The following PAK6 variants were observed in gnomAD, a reference collection of about 807,000 sequenced individuals.
PAK6 encodes serine/threonine-protein kinase PAK 6.
In PAK6, 33 loss-of-function variants were observed where a neutral mutation model predicts 60.8. The ratio of observed to expected loss-of-function variants is 0.54; its 90% CI spans 0.41 to 0.73. The LOEUF (loss-of-function observed/expected upper bound fraction) is 0.73. PAK6 is among the 30% of genes least tolerant of loss of function. The pLI, the probability that PAK6 is intolerant of heterozygous loss-of-function variation, is 0.00. For synonymous variants in PAK6, 404 were observed against 378.5 expected (o/e 1.07, Z -0.78); for missense variants, 845 against 904.1 (o/e 0.93, Z 0.84).
exon 1 of PAK6, chr15:40,239,662 G>T (rs2038260861): frequency 6.6e-6 from 1 of 152,436 alleles, no homozygotes; most frequent in Non-Finnish European, 1.5e-5. Context: ...CAGAAGGGCA[G>T]TCTTGTCCGA....
intron 3 of PAK6, chr15:40,258,623 G>A (rs1381099652): frequency 6.6e-6 from 1 of 152,354 alleles, no homozygotes; most frequent in Non-Finnish European, 1.5e-5. Flanking sequence ...CAGGTACATA[G>A]CTCCTTGAAC....
chr15:40,277,168 G>A (rs1470574868), exon 11 of PAK6: 1 of 152,240 alleles, frequency 6.6e-6, no homozygotes, highest in Admixed American at 6.5e-5. Context: ...TCATGTCAAG[G>A]TCACAGGCAT....
intron 4 of PAK6, among the ~76,000 whole-genome samples, chr15:40,265,400 G>A (rs2039095188): frequency 6.6e-6 from 1 of 152,228 alleles, no homozygotes; most frequent in Non-Finnish European, 1.5e-5. Flanking sequence ...AGAAGGTGGG[G>A]TCAGGGGCCC....
exon 5 of PAK6, chr15:40,266,185 C>T (rs1336876803): frequency 6.2e-7 from 1 of 1,609,320 alleles, no homozygotes; most frequent in East Asian, 2.2e-5. Flanking sequence ...CTGGGCCCCG[C>T]CGAGTTTCAG....
rs151114266 is a variant in PAK6 at position 40,242,365 on chromosome 15, C to A, written c.-118+1684C>A. Among the ~76,000 whole-genome samples, 71 of 152,358 alleles carry A rather than the reference C, an allele frequency of 4.7e-4. 1 individual carries two copies. Among genetic ancestry groups the A allele is most frequent in the African/African-American group, 1.7e-3 (70 of 41,580 alleles). ...GCAGGAAGGACTCATGGGAGGCTGT[C>A]CTGTGGACTGAAGCAGAAAGTCCTT... On this transcript the variant is annotated intron_variant, in intron 2 of 10. Coordinates refer to ENST00000560346, the Ensembl canonical transcript of PAK6.
At position 40,243,181 on chromosome 15, in the gene PAK6, A is replaced by G. The variant is rs2140939675; in HGVS notation, c.-118+2500A>G. Reference sequence around the variant, plus strand: ...GCAACGGTTCTTAACATAGAACTTTATAAAGATGGACAAAAAAGATAAGTT... The same window carrying G: ...GCAACGGTTCTTAACATAGAACTTTGTAAAGATGGACAAAAAAGATAAGTT... On this transcript the variant is annotated intron_variant, in intron 2 of 10. Transcript: ENST00000560346. Among the ~76,000 whole-genome samples, 2 of 152,374 alleles carry G rather than the reference A, an allele frequency of 1.3e-5. 1 individual carries two copies. Among genetic ancestry groups the G allele is most frequent in the South Asian group, 4.1e-4 (2 of 4,830 alleles).
chr15:40,241,297 G>A (rs1323119990), intron 2 of PAK6, among the ~76,000 whole-genome samples: 4 of 152,196 alleles, frequency 2.6e-5, no homozygotes, highest in Admixed American at 6.5e-5. Flanking sequence ...GTGGTCTCCA[G>A]TTATCCTTTC....
intron 2 of PAK6, among the ~76,000 whole-genome samples, chr15:40,241,436 C>T (rs964297966): frequency 1.4e-5 from 2 of 146,456 alleles, no homozygotes; most frequent in African/African-American, 5.1e-5. Flanking sequence ...GCCTGGTGGG[C>T]CTGGGACTCA....
At chr15:40,256,024 G>A (rs1237806790) in intron 3 of PAK6, among the ~76,000 whole-genome samples, 1 of 152,166 alleles carries the variant, frequency 6.6e-6, no homozygotes, top group Non-Finnish European at 1.5e-5. Flanking sequence ...AGAGCCTGGA[G>A]TAGAGTAGGT....
intron 2 of PAK6, among the ~76,000 whole-genome samples, chr15:40,244,687 C>T (rs969958020): frequency 6.6e-6 from 1 of 152,096 alleles, no homozygotes; most frequent in African/African-American, 2.4e-5. Flanking sequence ...TGTGAGCCAC[C>T]ACACCCAGCC....
chr15:40,266,591 C>A, intron 5 of PAK6, 96 bp downstream of exon 5: 1 of 1,243,218 alleles, frequency 8.0e-7, no homozygotes, highest in South Asian at 1.6e-5. Context: ...GGCAAAGAGG[C>A]TCCCTGGACT....
intron 3 of PAK6, among the ~76,000 whole-genome samples, chr15:40,262,103 C>T (rs1264883895): frequency 6.6e-6 from 1 of 152,116 alleles, no homozygotes; most frequent in Admixed American, 6.6e-5. Flanking sequence ...AGTCTGTGTC[C>T]CTGCACCTCC....
chr15:40,252,314 G>A (rs1360461168), intron 2 of PAK6: 4 of 1,244,316 alleles, frequency 3.2e-6, no homozygotes, highest in Admixed American at 2.9e-5. Flanking sequence ...GGGTCTCCGC[G>A]AGGCGGCCAC....
In PAK6 at chr15:40,274,062, T is replaced by C. The variant is rs1168272398; in HGVS notation, c.1744-80T>C. ...GAGAGCTGGGGCCAGCTGTCCCCCCTCCACCACTGCTGCCACCAGAACGCA... is the reference window on the plus strand; with the variant it reads ...GAGAGCTGGGGCCAGCTGTCCCCCCCCCACCACTGCTGCCACCAGAACGCA... On this transcript the variant is annotated intron_variant, in intron 9 of 10. Transcript: ENST00000560346. 3.9e-6 allele frequency: 6 copies of C among 1,537,130 alleles called. No individual in the cohort carries two copies. In the African/African-American group the frequency reaches 8.2e-5, roughly 21 times the overall value.
Position 40,274,133 on chromosome 15 carries a change from CT to C in PAK6, c.1744-8del. ...TGGCCATGGGGTCAGGGACATTTTC[CT>C]CCTGCAGGTGGATATCTGGTCTCTG... On this transcript the variant is annotated splice_region_variant and splice_polypyrimidine_tract_variant and intron_variant, in intron 9 of 10. Coordinates refer to ENST00000560346, the Ensembl canonical transcript of PAK6. 6.2e-7 allele frequency: 1 copy of C among 1,613,960 alleles called. No individual in the cohort carries two copies. The highest frequency in any genetic ancestry group is 8.5e-7 in the Non-Finnish European group (1 of 1,179,980).
At chr15:40,274,564 C>A (rs7170576) in intron 10 of PAK6, among the ~76,000 whole-genome samples, 1 of 152,164 alleles carries the variant, frequency 6.6e-6, no homozygotes, top group South Asian at 2.1e-4. Flanking sequence ...CCAGTGGGGC[C>A]CATGAGCAGG....
chr15:40,269,075 G>C (rs1176794839), intron 5 of PAK6, among the ~76,000 whole-genome samples: 1 of 152,202 alleles, frequency 6.6e-6, no homozygotes, highest in African/African-American at 2.4e-5. Flanking sequence ...CTGGAGTGCA[G>C]TGGCACAATC....
At chr15:40,264,488 C>T (rs2039066744) in intron 3 of PAK6, 2 of 548,250 alleles carry the variant, frequency 3.6e-6, no homozygotes, top group East Asian at 8.6e-5. Context: ...TATAAAAACA[C>T]ACCCCCAGAG....
intron 10 of PAK6, among the ~76,000 whole-genome samples, chr15:40,274,680 G>A (rs958915666): frequency 6.6e-6 from 1 of 152,218 alleles, no homozygotes; most frequent in Non-Finnish European, 1.5e-5. Flanking sequence ...ACCATGATTC[G>A]ATGTCCCTGT....
Sources: gnomAD v4.1 joint callset for allele counts (sites outside exome capture counted in the v4.1 genomes callset) on GRCh38, gnomAD v4.1.1 for gene constraint, MANE v1.5 for transcripts, NCBI Gene and HGNC (gene_info 2026-07-23, HGNC 2026-07-21) for gene names.